The following MED15 variants were observed in gnomAD, a reference collection of about 807,000 sequenced individuals.
The protein encoded by MED15 is mediator of RNA polymerase II transcription subunit 15.
MED15 carries 41 observed loss-of-function variants against 118.7 expected under a neutral mutation model. That is an observed-to-expected ratio of 0.35 (90% confidence interval 0.27 to 0.45). The LOEUF is 0.45. Among genes scored for constraint, MED15 ranks in the 20% least tolerant of loss-of-function variants. The pLI, the probability that MED15 is intolerant of heterozygous loss-of-function variation, is 1.00. For synonymous variants in MED15, 436 were observed against 413.9 expected (o/e 1.05, Z -0.65); for missense variants, 740 against 1,025.5 (o/e 0.72, Z 3.80).
intron 8 of MED15, among the ~76,000 whole-genome samples, chr22:20,571,185 C>G (rs993756315): frequency 1.3e-5 from 2 of 152,264 alleles, no homozygotes; most frequent in African/African-American, 2.4e-5. Context: ...GAAGTGTCCA[C>G]TCTGCAGTCT....
intron 8 of MED15, chr22:20,573,835 A>T (rs2056741376): frequency 6.6e-6 from 1 of 152,046 alleles, no homozygotes; most frequent in South Asian, 2.1e-4. Context: ...GCACTCTCAG[A>T]CGGGCTCCTC....
At chr22:20,554,905 C>G (rs769781276) in intron 4 of MED15, 31 bp from the exon 5 acceptor site, 3 of 1,569,136 alleles carry the variant, frequency 1.9e-6, no homozygotes, top group Non-Finnish European at 2.6e-6. Context: ...TAGGCCCTTT[C>G]CTGAGAAGCT....
At chr22:20,529,137 A>G (rs1005806144) in intron 1 of MED15, among the ~76,000 whole-genome samples, 14 of 151,972 alleles carry the variant, frequency 9.2e-5, no homozygotes, top group African/African-American at 3.1e-4. Context: ...TGAGGCCACC[A>G]TTTCCATTCT....
In MED15 at chr22:20,524,933, G is replaced by C. The variant is rs557257689; in HGVS notation, c.69-12184G>C. On this transcript the variant is annotated intron_variant, in intron 1 of 17. Coordinates refer to ENST00000263205, the MANE Select transcript of MED15 (RefSeq NM_001003891.3). The stretch of plus-strand genomic sequence containing the variant: ...CTGGCCTGTGGCAATTTTTTGAGAC[G>C]CTCCTGGGGGTCCAAATTGCTAATA... Among the ~76,000 whole-genome samples the C allele has an allele frequency of 1.1e-3, 171 of 152,190 alleles. 1 individual carries two copies. Among genetic ancestry groups the C allele is most frequent in the Non-Finnish European group, 1.7e-3 (119 of 68,022 alleles).
Position 20,564,324 on chromosome 22 carries a change from T to A in MED15, c.452-126T>A, listed in dbSNP as rs2056352866. On this transcript the variant is annotated intron_variant, in intron 5 of 17. Coordinates refer to ENST00000263205, the MANE Select transcript of MED15 (RefSeq NM_001003891.3). Reference sequence around the variant, plus strand: ...CTTTCTGTCTGTGGTAAATGGAACGTTCAGATTCCAGCGGCAGCCGTGGCA... The same window carrying A: ...CTTTCTGTCTGTGGTAAATGGAACGATCAGATTCCAGCGGCAGCCGTGGCA... 3 of 1,499,408 alleles carry A rather than the reference T, an allele frequency of 2.0e-6. No homozygotes were observed. The South Asian group carries it at 3.9e-5, about 20-fold the overall frequency. 92.9% of individuals were successfully genotyped at this position (1,499,408 alleles called of 1,614,324 possible). A position where few individuals can be genotyped will look rare whatever the true frequency, so the allele number is the denominator to read the frequency against.
intron 1 of MED15, among the ~76,000 whole-genome samples, chr22:20,525,530 C>CTTT (rs753248152): frequency 2.4e-4 from 27 of 113,316 alleles, no homozygotes; most frequent in South Asian, 6.1e-4. Flanking sequence ...TGACCTTTCT[C>CTTT]TTTTTTTTTT....
rs1417788935 is a variant in MED15 at position 20,566,537 on chromosome 22, A to G, written c.761A>G (p.Gln254Arg). Reference sequence around the variant, plus strand: ...CTCCAACAACAGCAACAGCAGCAGCAGCAGCAGCAGCAGCAGCAGCAGCAG... The same window carrying G: ...CTCCAACAACAGCAACAGCAGCAGCGGCAGCAGCAGCAGCAGCAGCAGCAG... ...LQLQQQQQQQQQQQQQQQQAL... is the reference protein window; with the variant it reads ...LQLQQQQQQQRQQQQQQQQAL... The change falls in exon 7 of 18, where the codon CAG (glutamine) becomes CGG (arginine). Residue 254 changes from glutamine (Q) to arginine (R), a missense_variant. Physicochemically the swap from Gln to Arg is conservative, Grantham distance 43. Transcript: ENST00000263205. The G allele has an allele frequency of 1.2e-6, 2 of 1,602,470 alleles. No homozygotes were observed. The highest frequency in any genetic ancestry group is 1.7e-5 in the Admixed American group (1 of 59,778).
chr22:20,543,262 A>C (rs1250315616), intron 2 of MED15, among the ~76,000 whole-genome samples: 1 of 124,102 alleles, frequency 8.1e-6, no homozygotes, highest in African/African-American at 3.3e-5. Context: ...CCCAGGCTGG[A>C]GTGCAGTGGC....
At chr22:20,519,296 TC>T (rs1434520654) in intron 1 of MED15, among the ~76,000 whole-genome samples, 4 of 152,142 alleles carry the variant, frequency 2.6e-5, no homozygotes, top group Non-Finnish European at 5.9e-5. Context: ...CTCTTTCTAG[TC>T]TAGGTGCAGG....
intron 1 of MED15, among the ~76,000 whole-genome samples, chr22:20,527,737 A>T (rs2054701449): frequency 6.6e-6 from 1 of 152,044 alleles, no homozygotes. Flanking sequence ...GGGCAGGCGG[A>T]TCACAAGGTC....
intron 1 of MED15, among the ~76,000 whole-genome samples, chr22:20,508,639 C>T (rs1026493780): frequency 2.0e-5 from 3 of 152,042 alleles, no homozygotes; most frequent in African/African-American, 4.8e-5. Context: ...TACAAAGAAC[C>T]TTCTTAAGGG....
intron 1 of MED15, among the ~76,000 whole-genome samples, chr22:20,526,996 CT>C (rs2054667872): frequency 6.6e-6 from 1 of 152,200 alleles, no homozygotes; most frequent in African/African-American, 2.4e-5. Context: ...TCTAGGCCCC[CT>C]GGTGGGACAT....
intron 2 of MED15, among the ~76,000 whole-genome samples, chr22:20,542,930 G>C (rs2055367020): frequency 6.6e-6 from 1 of 152,112 alleles, no homozygotes. Flanking sequence ...TTTGGCACTA[G>C]AAAAATTTGG....
At chr22:20,571,030 G>A (rs913802503) in intron 8 of MED15, among the ~76,000 whole-genome samples, 8 of 152,126 alleles carry the variant, frequency 5.3e-5, no homozygotes, top group African/African-American at 1.7e-4. Flanking sequence ...TAAGTGTTGG[G>A]ATTACAGGCG....
intron 1 of MED15, among the ~76,000 whole-genome samples, chr22:20,528,770 A>C (rs1053971658): frequency 6.6e-6 from 1 of 152,134 alleles, no homozygotes; most frequent in African/African-American, 2.4e-5. Context: ...CAGAGCACAG[A>C]TGACCACACA....
At chr22:20,525,519 A>G (rs1340104226) in intron 1 of MED15, among the ~76,000 whole-genome samples, 3 of 147,590 alleles carry the variant, frequency 2.0e-5, no homozygotes, top group African/African-American at 7.5e-5. Flanking sequence ...CTGGCCAAAC[A>G]TGACCTTTCT....
At chr22:20,564,117 C>T (rs142341065) in intron 5 of MED15, among the ~76,000 whole-genome samples, 148 of 152,282 alleles carry the variant, frequency 9.7e-4, no homozygotes, top group African/African-American at 3.5e-3. Context: ...CGATGCCATT[C>T]GTACAAAGAG....
intron 5 of MED15, among the ~76,000 whole-genome samples, chr22:20,561,915 C>T (rs1601588583): frequency 6.6e-6 from 1 of 152,104 alleles, no homozygotes; most frequent in Non-Finnish European, 1.5e-5. Flanking sequence ...CACTTGAGCC[C>T]AGGAGGTCAA....
chr22:20,511,943 C>T (rs1220997374), intron 1 of MED15, among the ~76,000 whole-genome samples: 2 of 150,150 alleles, frequency 1.3e-5, no homozygotes, highest in Non-Finnish European at 3.0e-5. Flanking sequence ...CTACCCCCAC[C>T]GTGTTCTGAC....
Sources: gnomAD v4.1 joint callset for allele counts (sites outside exome capture counted in the v4.1 genomes callset) on GRCh38, gnomAD v4.1.1 for gene constraint, MANE v1.5 for transcripts, NCBI Gene and HGNC (gene_info 2026-07-23, HGNC 2026-07-21) for gene names.